The following MME variants were observed in gnomAD, a reference collection of about 807,000 sequenced individuals.
MME encodes the protein neprilysin.
Under a neutral mutation model 113.2 loss-of-function variants are expected in MME, and 98 were observed. The ratio of observed to expected loss-of-function variants is 0.87; its 90% confidence interval spans 0.74 to 1.02. The LOEUF (loss-of-function observed/expected upper bound fraction) is 1.02. MME is among the 50% of genes least tolerant of loss of function. MME has a pLI of 0.00. For synonymous variants in MME, 292 were observed against 300.6 expected (o/e 0.97, Z 0.30); for missense variants, 836 against 896.0 (o/e 0.93, Z 0.86).
chr3:155,169,006 G>C, intron 20 of MME: 1 of 525,640 alleles, frequency 1.9e-6, no homozygotes, highest in Admixed American at 3.3e-5. Context: ...ACTTAAGTTT[G>C]CAAAGAGCCA....
At chr3:155,054,681 G>T (rs968188366) in intron 1 of MME, among the ~76,000 whole-genome samples, 2 of 152,184 alleles carry the variant, frequency 1.3e-5, no homozygotes, top group African/African-American at 2.4e-5. Flanking sequence ...GTTGGGCATA[G>T]TGGCTCACCC....
intron 1 of MME, among the ~76,000 whole-genome samples, chr3:155,049,088 T>G (rs1483671108): frequency 6.6e-6 from 1 of 152,156 alleles, no homozygotes; most frequent in Admixed American, 6.6e-5. Flanking sequence ...TATTTCAATT[T>G]TACTGAATGT....
chr3:155,115,234 T>A, intron 4 of MME, 79 bp downstream of exon 4: 1 of 1,527,526 alleles, frequency 6.5e-7, no homozygotes, highest in Non-Finnish European at 9.0e-7. Context: ...TGTTAGCCAT[T>A]ACAAGGAATG....
intron 1 of MME, among the ~76,000 whole-genome samples, chr3:155,029,079 A>G (rs1003777811): frequency 1.3e-5 from 2 of 152,178 alleles, no homozygotes; most frequent in Non-Finnish European, 2.9e-5. Flanking sequence ...CCTAATAAAC[A>G]CAACATGAGA....
chr3:155,086,659 T>C (rs1319704767), intron 3 of MME, among the ~76,000 whole-genome samples: 2 of 152,188 alleles, frequency 1.3e-5, no homozygotes, highest in Non-Finnish European at 2.9e-5. Flanking sequence ...AGGTGGTAGC[T>C]GAGGGCAGCA....
At chr3:155,109,765 G>C (rs139894681) in intron 3 of MME, among the ~76,000 whole-genome samples, 5 of 152,232 alleles carry the variant, frequency 3.3e-5, no homozygotes, top group South Asian at 2.1e-4. Flanking sequence ...TGTCTAAAAG[G>C]CTTCTCAGAT....
At chr3:155,072,167 CAAAAAAAA>C (rs71155031) in intron 1 of MME, among the ~76,000 whole-genome samples, 1 of 65,074 alleles carries the variant, frequency 1.5e-5, no homozygotes, top group African/African-American at 7.1e-5. Flanking sequence ...GACTCCGTCT[CAAAAAAAA>C]AAAAAAAAAA....
intron 22 of MME, among the ~76,000 whole-genome samples, chr3:155,176,741 G>T (rs992381320): frequency 6.6e-6 from 1 of 152,124 alleles, no homozygotes; most frequent in Non-Finnish European, 1.5e-5. Context: ...CAGGAGGATT[G>T]CTTGAACCCA....
In MME at chr3:155,126,019, T is replaced by C. The variant is rs116234496; in HGVS notation, c.720+7208T>C. On this transcript the variant is annotated intron_variant, in intron 8 of 22. Transcript: ENST00000360490. ...GCCAAATTATGAAGTTCGAATAACA[T>C]GGAATGAATTCACTGTAAGGTATCT... Among the ~76,000 whole-genome samples, 558 of 152,338 alleles carry C rather than the reference T, an allele frequency of 3.7e-3. 1 individual carries two copies. The highest frequency in any genetic ancestry group is 6.1e-3 in the Non-Finnish European group (417 of 68,022).
At chr3:155,025,602 A>C in intron 1 of MME, among the ~76,000 whole-genome samples, 1 of 142,178 alleles carries the variant, frequency 7.0e-6, no homozygotes, top group African/African-American at 2.6e-5. Context: ...CCAGCCTGGG[A>C]GACAGAGCGA....
At chr3:155,092,561 G>C (rs1410414239) in intron 3 of MME, among the ~76,000 whole-genome samples, 2 of 152,108 alleles carry the variant, frequency 1.3e-5, no homozygotes, top group East Asian at 3.9e-4. Flanking sequence ...GCATAATGCT[G>C]TTTTTATAAA....
In MME at chr3:155,064,202, TC is replaced by T. The variant is rs201904023; in HGVS notation, c.-10-19955del. 9.5e-3 allele frequency among the ~76,000 whole-genome samples: 1,442 copies of T among 152,054 alleles called. 21 individuals are homozygous for T. Among genetic ancestry groups the T allele is most frequent in the African/African-American group, 0.033 (1,350 of 41,472 alleles). On this transcript the variant is annotated intron_variant, in intron 1 of 22. Transcript: ENST00000492661. ...TAGTCGGGAGGCTGAGACAGGAGAA[TC>T]GCTTGAACCTGGGAGGTGGAGGTTG...
At chr3:155,164,727 C>T (rs1183064604) in intron 17 of MME, among the ~76,000 whole-genome samples, 1 of 152,122 alleles carries the variant, frequency 6.6e-6, no homozygotes, top group Non-Finnish European at 1.5e-5. Context: ...AAGTACTGCA[C>T]ATAATTTTTA....
In MME at chr3:155,082,638, G is replaced by A. The variant is rs933076622; in HGVS notation, c.-10-1520G>A. ...CATTCCACTTTTATTTAGCAGACAC[G>A]GTTTTCATTGTGTAATAAAATATTT... On this transcript the variant is annotated intron_variant, in intron 1 of 22. Transcript: ENST00000360490. Among the ~76,000 whole-genome samples the A allele has an allele frequency of 2.0e-5, 3 of 152,062 alleles. No individual in the cohort carries two copies. The East Asian group carries it at 5.8e-4, about 29-fold the overall frequency.
At chr3:155,031,938 C>T (rs1008008855) in intron 1 of MME, among the ~76,000 whole-genome samples, 4 of 152,210 alleles carry the variant, frequency 2.6e-5, no homozygotes, top group African/African-American at 7.2e-5. Context: ...GGATAACAGG[C>T]ATGAGCCATC....
intron 3 of MME, chr3:155,090,538 G>T (rs920491319): frequency 1.3e-5 from 2 of 152,036 alleles, no homozygotes; most frequent in Non-Finnish European, 2.9e-5. Flanking sequence ...ATGGTTTGGG[G>T]CCATTATTAA....
intron 14 of MME, among the ~76,000 whole-genome samples, chr3:155,145,530 C>T (rs949162700): frequency 3.3e-5 from 5 of 151,990 alleles, no homozygotes; most frequent in Non-Finnish European, 5.9e-5. Flanking sequence ...AAAATACTGC[C>T]TAGCATTATA....
At chr3:155,046,087 A>G (rs925719557) in intron 1 of MME, among the ~76,000 whole-genome samples, 1 of 152,126 alleles carries the variant, frequency 6.6e-6, no homozygotes, top group African/African-American at 2.4e-5. Flanking sequence ...TATCTCTTGC[A>G]CCAACTCTCT....
chr3:155,138,371 C>T (rs1720804795), intron 9 of MME, 135 bp downstream of exon 9: 2 of 844,412 alleles, frequency 2.4e-6, no homozygotes, highest in Non-Finnish European at 3.7e-6. Context: ...GGTAATAGAT[C>T]ATTGACTTCA....
Sources: gnomAD v4.1 joint callset for allele counts (sites outside exome capture counted in the v4.1 genomes callset) on GRCh38, gnomAD v4.1.1 for gene constraint, MANE v1.5 for transcripts, NCBI Gene and HGNC (gene_info 2026-07-23, HGNC 2026-07-21) for gene names.